SLCO1B1: variants seen among roughly 807,000 people sequenced by gnomAD.
SLCO1B1 encodes solute carrier organic anion transporter family member 1B1.
A neutral mutation model predicts 70.1 loss-of-function variants in SLCO1B1; 81 were observed. The ratio of observed to expected loss-of-function variants is 1.16; its 90% CI spans 0.97 to 1.39. The LOEUF (loss-of-function observed/expected upper bound fraction) is 1.39. Among genes scored for constraint, SLCO1B1 ranks in the 40% most tolerant of loss-of-function variants. SLCO1B1 has a pLI of 0.00. For missense variants in SLCO1B1, 895 were observed against 799.6 expected (o/e 1.12, Z -1.44); for synonymous variants, 283 against 271.5 (o/e 1.04, Z -0.42).
In SLCO1B1 at chr12:21,132,785, C is replaced by T. The variant is rs185987960; in HGVS notation, c.-62+1549C>T. ...AATTTTCTCCCATTCTGTAGGTTGC[C>T]TGTTCACTCTGATGGTAGTTTCTTT... On this transcript the variant is annotated intron_variant, in intron 1 of 14. Transcript: ENST00000256958. Among the ~76,000 whole-genome samples, 1,221 of 152,212 alleles carry T rather than the reference C, an allele frequency of 8.0e-3. 9 individuals carry two copies. The highest frequency in any genetic ancestry group is 0.013 in the Non-Finnish European group (857 of 68,000).
intron 14 of SLCO1B1, among the ~76,000 whole-genome samples, chr12:21,228,209 G>A (rs1190454723): frequency 2.0e-5 from 3 of 151,962 alleles, no homozygotes; most frequent in Admixed American, 1.3e-4. Context: ...GATTAAAGTC[G>A]ATTTTTAAAA....
At chr12:21,222,179 G>T in intron 12 of SLCO1B1, 121 bp from the exon 13 acceptor site, 1 of 334,302 alleles carries the variant, frequency 3.0e-6, no homozygotes, top group Non-Finnish European at 5.7e-6. Flanking sequence ...TATATAATGG[G>T]GCCATTCAAC....
intron 10 of SLCO1B1, among the ~76,000 whole-genome samples, chr12:21,204,187 A>G (rs571490057): frequency 6.6e-6 from 1 of 152,016 alleles, no homozygotes; most frequent in South Asian, 2.1e-4. Context: ...TGTGTTCTGA[A>G]TATCTCTAAG....
intron 14 of SLCO1B1, among the ~76,000 whole-genome samples, chr12:21,234,480 G>T (rs1941575888): frequency 6.6e-6 from 1 of 152,124 alleles, no homozygotes; most frequent in Non-Finnish European, 1.5e-5. Flanking sequence ...CAAGAAGCTG[G>T]TTTGTTTTGG....
At chr12:21,223,094 G>A (rs1941446074) in intron 13 of SLCO1B1, among the ~76,000 whole-genome samples, 1 of 152,032 alleles carries the variant, frequency 6.6e-6, no homozygotes, top group Non-Finnish European at 1.5e-5. Context: ...GGTGACAAAA[G>A]CTTAAAGTAA....
rs377006054 is a variant in SLCO1B1, at chr12:21,147,587, C to G, written c.84+5929C>G. Among the ~76,000 whole-genome samples, 7 of 152,280 alleles carry G rather than the reference C, an allele frequency of 4.6e-5. No homozygotes were observed. In the East Asian group the frequency reaches 5.8e-4, roughly 13 times the overall value. ...TGAGAATGATGGTTTCCAGCTTCAT[C>G]CATGTCCCTGCAAAGGACATAAACT... On this transcript the variant is annotated intron_variant, in intron 2 of 14. Coordinates refer to ENST00000256958, the MANE Select transcript of SLCO1B1 (RefSeq NM_006446.5).
intron 2 of SLCO1B1, among the ~76,000 whole-genome samples, chr12:21,147,169 C>A (rs928113092): frequency 6.6e-6 from 1 of 152,042 alleles, no homozygotes; most frequent in Non-Finnish European, 1.5e-5. Flanking sequence ...TTTTGTAATG[C>A]CCCGTTTTTA....
chr12:21,132,430 G>A (rs1193897945), intron 1 of SLCO1B1, among the ~76,000 whole-genome samples: 3 of 152,142 alleles, frequency 2.0e-5, no homozygotes, highest in Non-Finnish European at 4.4e-5. Flanking sequence ...CACAATGGTT[G>A]AACTAGTTTA....
chr12:21,203,788 ACTTTC>A (rs143214173), intron 10 of SLCO1B1, among the ~76,000 whole-genome samples: 1,764 of 152,140 alleles, frequency 0.012, 44 homozygotes, highest in South Asian at 0.039. Flanking sequence ...CTTGTATTAT[ACTTTC>A]CTTTATTATT....
At chr12:21,202,788 CTTT>C in intron 10 of SLCO1B1, 102 bp downstream of exon 10, 1 of 946,584 alleles carries the variant, frequency 1.1e-6, no homozygotes, top group East Asian at 2.6e-5. Flanking sequence ...ACTAAACTTT[CTTT>C]AAGTTAAGAG....
At chr12:21,132,617 G>A (rs573050877) in intron 1 of SLCO1B1, among the ~76,000 whole-genome samples, 1 of 152,132 alleles carries the variant, frequency 6.6e-6, no homozygotes, top group East Asian at 1.9e-4. Flanking sequence ...CGTGTTTTTT[G>A]GCTGCATAAA....
At chr12:21,233,955 G>A (rs1941570493) in intron 14 of SLCO1B1, among the ~76,000 whole-genome samples, 1 of 152,160 alleles carries the variant, frequency 6.6e-6, no homozygotes, top group Non-Finnish European at 1.5e-5. Context: ...GGTTCACCTT[G>A]CCCACTGCCT....
intron 2 of SLCO1B1, among the ~76,000 whole-genome samples, chr12:21,145,743 T>C (rs1940374434): frequency 6.6e-6 from 1 of 152,112 alleles, no homozygotes. Context: ...GCAATTTAAG[T>C]AGGCATAAAA....
chr12:21,206,283 T>C (rs547224111), intron 11 of SLCO1B1, among the ~76,000 whole-genome samples: 1 of 151,932 alleles, frequency 6.6e-6, no homozygotes, highest in African/African-American at 2.4e-5. Flanking sequence ...TCCTTTGAGA[T>C]TGTAAGACTA....
chr12:21,211,131 T>C (rs1021325248), intron 11 of SLCO1B1, among the ~76,000 whole-genome samples: 20 of 152,224 alleles, frequency 1.3e-4, no homozygotes, highest in African/African-American at 3.9e-4. Context: ...GCATCCCTGT[T>C]TTGTGCCAGT....
rs1202943371 is a variant in SLCO1B1 at position 21,141,505 on chromosome 12, C to A, written c.-61-9C>A. On this transcript the variant is annotated splice_polypyrimidine_tract_variant and intron_variant, in intron 1 of 14. Transcript: ENST00000256958. ...AATAAAATAAACTATACTTTTTCTTCCTTAATAGGTGATTGTTTCAAACTG... is the reference window on the plus strand; with the variant it reads ...AATAAAATAAACTATACTTTTTCTTACTTAATAGGTGATTGTTTCAAACTG... The A allele has an allele frequency of 2.3e-6, 2 of 875,418 alleles. No individual in the cohort carries two copies. The highest frequency in any genetic ancestry group is 1.7e-5 in the African/African-American group (1 of 60,366). The allele number at this position is 875,418 out of a possible 1,614,324, so 54.2% of individuals were successfully genotyped here.
At chr12:21,207,553 G>A (rs970949462) in intron 11 of SLCO1B1, among the ~76,000 whole-genome samples, 2 of 151,978 alleles carry the variant, frequency 1.3e-5, no homozygotes, top group Non-Finnish European at 2.9e-5. Flanking sequence ...GGGCACCCAG[G>A]TTGAGACCGT....
intron 7 of SLCO1B1, among the ~76,000 whole-genome samples, chr12:21,182,519 A>T (rs932270419): frequency 6.6e-6 from 1 of 152,058 alleles, no homozygotes; most frequent in Non-Finnish European, 1.5e-5. Flanking sequence ...ACACATCTGT[A>T]TTGTAGGCCC....
chr12:21,163,987 C>T (rs1052903939), intron 2 of SLCO1B1, among the ~76,000 whole-genome samples: 46 of 151,380 alleles, frequency 3.0e-4, no homozygotes, highest in Non-Finnish European at 3.4e-4. Flanking sequence ...TCTAAGGATA[C>T]TTGGGAGGAA....
Sources: allele counts gnomAD v4.1 joint callset (sites outside exome capture counted in the v4.1 genomes callset), GRCh38; gene constraint gnomAD v4.1.1; transcripts MANE v1.5; gene names NCBI Gene and HGNC (gene_info 2026-07-23, HGNC 2026-07-21).